The following KIF19 variants were observed in gnomAD, a reference collection of about 807,000 sequenced individuals.
KIF19 encodes the protein kinesin-like protein KIF19.
In KIF19, 98 loss-of-function variants were observed where a neutral mutation model predicts 106.6. That is an observed-to-expected ratio of 0.92 (90% CI 0.78 to 1.09). KIF19 has a LOEUF of 1.09. Ranked by LOEUF, KIF19 falls within the 50% of genes least tolerant of loss-of-function variation. KIF19 has a pLI of 0.00. For missense variants in KIF19, 1,373 were observed against 1,414.3 expected, an observed-to-expected ratio of 0.97 and a Z score of 0.47; for synonymous variants, 516 against 584.2, an observed-to-expected ratio of 0.88 and a Z score of 1.68.
At chr17:74,332,894 G>A (rs1003489614) in intron 2 of KIF19, among the ~76,000 whole-genome samples, 2 of 152,178 alleles carry the variant, frequency 1.3e-5, no homozygotes, top group Non-Finnish European at 2.9e-5. Flanking sequence ...ACTCTCCCTG[G>A]GCCTCTGCTT....
intron 2 of KIF19, among the ~76,000 whole-genome samples, chr17:74,330,549 T>C (rs2054049549): frequency 6.6e-6 from 1 of 152,090 alleles, no homozygotes; most frequent in Non-Finnish European, 1.5e-5. Context: ...GTCCTCGGGG[T>C]TGGGACAATG....
rs150562852 is a variant in KIF19, at chr17:74,350,503, G to A, written c.1316G>A (p.Arg439His). 65 of 1,612,452 alleles carry A rather than the reference G, an allele frequency of 4.0e-5. No homozygotes were observed. The highest frequency in any genetic ancestry group is 1.9e-4 in the South Asian group (17 of 90,966). Residue 439 changes from arginine to histidine, a missense_variant, in exon 11 of 20, where the codon CGC (arginine) becomes CAC (histidine). Coordinates refer to ENST00000389916, the MANE Select transcript of KIF19 (RefSeq NM_153209.4). Reference sequence around the variant, plus strand: ...CAGGAGCAGATGGATGTGCGGAGGCGCCTGCTGGAGCTGGAGAACCGCGCC... The same window carrying A: ...CAGGAGCAGATGGATGTGCGGAGGCACCTGCTGGAGCTGGAGAACCGCGCC... ...AFQEQMDVRR[R>H]LLELENRAME...
chr17:74,342,525 C>G, intron 3 of KIF19, 105 bp from the exon 4 acceptor site: 1 of 819,348 alleles, frequency 1.2e-6, no homozygotes, highest in East Asian at 2.7e-5. Context: ...GGGGCTGGGG[C>G]TCCAGGGACA....
At position 74,349,410 on chromosome 17, in the gene KIF19, A is replaced by T; in HGVS notation, c.1213+61A>T. 3 of 1,489,442 alleles carry T rather than the reference A, an allele frequency of 2.0e-6. No individual in the cohort carries two copies. In the South Asian group the frequency reaches 4.0e-5, roughly 20 times the overall value. The allele number at this position is 1,489,442 out of a possible 1,614,324, so 92.3% of individuals were successfully genotyped here. On this transcript the variant is annotated intron_variant, in intron 10 of 19. Coordinates refer to ENST00000389916, the MANE Select transcript of KIF19 (RefSeq NM_153209.4). The stretch of plus-strand genomic sequence containing the variant: ...CCGGCCAGCCTCACGTTGCTCTGGG[A>T]TCAGGCCATGTTGTGTTCAAATCCA...
rs116883562 is a variant in KIF19 at position 74,346,464 on chromosome 17, C to T, written c.864C>T (p.Ser288=). The change falls in exon 8 of 20, where the codon AGC becomes AGT. Residue 288 remains serine, a synonymous_variant. Coordinates refer to ENST00000389916, the MANE Select transcript of KIF19 (RefSeq NM_153209.4). The surrounding 1 kb of genome is among the most constrained non-coding windows in gnomAD (Gnocchi z 4.6). ...TGGGCAACTGCATCAACGCCCTGAG[C>T]GACAAGGGTAGCAACAAGTACATCA... ...LALGNCINAL[S]DKGSNKYINY... 1.2e-4 allele frequency: 180 copies of T among 1,556,320 alleles called. No homozygotes were observed. Among genetic ancestry groups the T allele is most frequent in the Non-Finnish European group, 1.4e-4 (164 of 1,149,978 alleles).
Position 74,342,129 on chromosome 17 carries a change from T to A in KIF19, c.231+143T>A, listed in dbSNP as rs2054394808. 1.4e-5 allele frequency: 9 copies of A among 645,958 alleles called. No individual in the cohort carries two copies. In the South Asian group the frequency reaches 1.6e-4, roughly 12 times the overall value. 40.0% of individuals were successfully genotyped at this position (645,958 alleles called of 1,614,324 possible). ...CCCTCTGTTCCTTGAGCCTTCCCCA[T>A]TCAGGAAGGTTCTCATGCACACAAG... On this transcript the variant is annotated intron_variant, in intron 3 of 19. Coordinates refer to ENST00000389916, the MANE Select transcript of KIF19 (RefSeq NM_153209.4).
intron 9 of KIF19, 52 bp downstream of exon 9, chr17:74,347,951 A>G (rs1283520541): frequency 1.9e-6 from 3 of 1,542,500 alleles, no homozygotes; most frequent in Non-Finnish European, 2.6e-6. Flanking sequence ...GCTGAGATTC[A>G]AGCCCCCGGG....
Position 74,343,082 on chromosome 17 carries a change from G to A in KIF19, c.378G>A (p.Gln126=). Reference sequence around the variant, plus strand: ...ACCAGGAGCCTGGCATCTATGTTCAGACCCTCAACGACCTCTTCCGTGCCA... The same window carrying A: ...ACCAGGAGCCTGGCATCTATGTTCAAACCCTCAACGACCTCTTCCGTGCCA... ...GTDQEPGIYV[Q]TLNDLFRAIE... Residue 126 remains glutamine (Q), a synonymous_variant, in exon 5 of 20, where the codon CAG becomes CAA. Coordinates refer to ENST00000389916, the MANE Select transcript of KIF19 (RefSeq NM_153209.4). The A allele has an allele frequency of 6.2e-7, 1 of 1,613,208 alleles. No individual in the cohort carries two copies. Among genetic ancestry groups the A allele is most frequent in the Non-Finnish European group, 8.5e-7 (1 of 1,179,780 alleles).
chr17:74,341,985 A>C lies in KIF19; in HGVS notation c.230A>C (p.Gln77Pro), dbSNP rs1014557574. ...FDVAFDFTAT[Q>P]EMVYQATTKS... The stretch of plus-strand genomic sequence containing the variant: ...GTGGCCTTTGACTTCACCGCCACCC[A>C]GGTGAGGGAGGGCCTGGGCTGGAGA... Residue 77 changes from glutamine to proline, a missense_variant and splice_region_variant, in exon 3 of 20, where the codon CAG (glutamine) becomes CCG (proline). By Grantham distance (76) the Gln-to-Pro change is moderately conservative. Transcript: ENST00000389916. The C allele has an allele frequency of 6.2e-7, 1 of 1,608,968 alleles. No individual in the cohort carries two copies. The highest frequency in any genetic ancestry group is 1.7e-4 in the Middle Eastern group (1 of 6,050).
chr17:74,353,076 G>A, intron 15 of KIF19, 120 bp from the exon 16 acceptor site: 1 of 1,423,500 alleles, frequency 7.0e-7, no homozygotes, highest in Non-Finnish European at 9.7e-7. Context: ...GCCCAGGTCT[G>A]GAGCCAGGAC....
intron 8 of KIF19, among the ~76,000 whole-genome samples, 194 bp from the exon 9 acceptor site, chr17:74,347,583 G>C (rs563405462): frequency 6.6e-6 from 1 of 151,918 alleles, no homozygotes; most frequent in African/African-American, 2.4e-5. Context: ...CTTTATTAAG[G>C]TTACACAGCT....
chr17:74,344,800 C>T lies in KIF19; in HGVS notation c.622C>T (p.Gln208Ter). 6.2e-7 allele frequency: 1 copy of T among 1,611,656 alleles called. No individual in the cohort carries two copies. Among genetic ancestry groups the T allele is most frequent in the Non-Finnish European group, 8.5e-7 (1 of 1,178,912 alleles). ...GATGAAGGGGAACCGGCAGAGGACC[C>T]AGGAGCCCACGGCCGCCAACCAGAC... ...LLMKGNRQRT[Q>*]EPTAANQTSS... The change falls in exon 7 of 20, where the codon CAG becomes TAG. Residue 208 changes from glutamine to a stop codon, truncating the protein, a stop_gained. Coordinates refer to ENST00000389916, the MANE Select transcript of KIF19 (RefSeq NM_153209.4). LOFTEE classifies it high-confidence loss of function.
At chr17:74,350,668 G>A in intron 11 of KIF19, 39 bp from the exon 12 acceptor site, 2 of 1,612,326 alleles carry the variant, frequency 1.2e-6, no homozygotes, top group South Asian at 1.1e-5. Flanking sequence ...CTGCCCCCAT[G>A]GCCTGAATGC....
chr17:74,332,210 TTG>T (rs71157056), intron 2 of KIF19, among the ~76,000 whole-genome samples: 7 of 108,848 alleles, frequency 6.4e-5, no homozygotes, highest in Middle Eastern at 4.7e-3. Flanking sequence ...GTGTGTGTGT[TTG>T]TGTGTGTGTG....
intron 4 of KIF19, 35 bp downstream of exon 4, chr17:74,342,752 CA>C: frequency 6.4e-7 from 1 of 1,571,982 alleles, no homozygotes; most frequent in Non-Finnish European, 8.8e-7. Context: ...GCGAGGACCG[CA>C]ATGCCCCTGT....
intron 17 of KIF19, among the ~76,000 whole-genome samples, 153 bp downstream of exon 17, chr17:74,353,734 G>A (rs1252158863): frequency 6.6e-6 from 1 of 152,218 alleles, no homozygotes; most frequent in African/African-American, 2.4e-5. Flanking sequence ...TGCCCCTGAG[G>A]ATTAGTCAGT....
At chr17:74,351,023 C>A in intron 12 of KIF19, 118 bp downstream of exon 12, 1 of 993,448 alleles carries the variant, frequency 1.0e-6, no homozygotes, top group Non-Finnish European at 1.6e-6. Context: ...ACTCAGGCCA[C>A]AAATCCTGTG....
In KIF19 at chr17:74,350,471, C is replaced by A. The variant is rs113736069; in HGVS notation, c.1284C>A (p.Ser428Arg). ...GACAGCTTCGGGAGCAGCTCGCCAG[C>A]GCCTTCCAGGAGCAGATGGATGTGC... ...GMGQLREQLA[S>R]AFQEQMDVRR... is the part of the protein sequence containing the mutation. Residue 428 changes from serine (S) to arginine (R), a missense_variant, in exon 11 of 20, where the codon AGC becomes AGA. Ser to Arg is a moderately radical substitution (Grantham distance 110). Around this residue, in one of 3 missense-constraint regions of KIF19, gnomAD observed 1,020 missense variants for 1,008.2 expected, o/e 1.01. Coordinates refer to ENST00000389916, the MANE Select transcript of KIF19 (RefSeq NM_153209.4). The A allele has an allele frequency of 1.2e-6, 2 of 1,610,798 alleles. No individual in the cohort carries two copies. The highest frequency in any genetic ancestry group is 8.5e-7 in the Non-Finnish European group (1 of 1,179,294).
Position 74,352,952 on chromosome 17 carries a change from G to A in KIF19, c.2112G>A (p.Glu704=), listed in dbSNP as rs1567922495. The A allele has an allele frequency of 1.2e-6, 2 of 1,613,716 alleles. No individual in the cohort carries two copies. Among genetic ancestry groups the A allele is most frequent in the Non-Finnish European group, 8.5e-7 (1 of 1,179,816 alleles). The change falls in exon 15 of 20, where the codon GAG becomes GAA. Residue 704 remains glutamate, a splice_region_variant and synonymous_variant. Coordinates refer to ENST00000389916, the MANE Select transcript of KIF19 (RefSeq NM_153209.4). ...GCGCCCTCCCTCCCCTCAGCACAGA[G>A]AGGTGAGATGGGGGCCACCTGCCCC... ...QNSALPPLST[E]SEGHHVFKAG...
Sources: gnomAD v4.1 joint callset for allele counts (sites outside exome capture counted in the v4.1 genomes callset) on GRCh38, gnomAD v4.1.1 for gene constraint, gnomAD v4.1.1 regional missense constraint, Gnocchi (gnomAD v3.1) non-coding constraint, MANE v1.5 for transcripts, NCBI Gene and HGNC (gene_info 2026-07-23, HGNC 2026-07-21) for gene names.